The following SFMBT1 variants were observed in gnomAD, a reference collection of about 807,000 sequenced individuals.
SFMBT1 encodes scm-like with four MBT domains protein 1.
SFMBT1 carries 32 observed loss-of-function variants against 108.7 expected under a neutral mutation model. The ratio of observed to expected loss-of-function variants is 0.29; its 90% CI spans 0.22 to 0.40. SFMBT1 has a LOEUF of 0.40. SFMBT1 is among the 10% of genes least tolerant of loss of function. The probability of loss-of-function intolerance (pLI) is 1.00; values close to 1 mark genes in which losing one functional copy is unlikely to be tolerated. For missense variants in SFMBT1, 816 were observed against 1,059.6 expected (o/e 0.77, Z 3.19); for synonymous variants, 348 against 369.5 (o/e 0.94, Z 0.67).
chr3:53,008,315 G>A (rs867665359), intron 1 of SFMBT1, among the ~76,000 whole-genome samples: 3 of 152,154 alleles, frequency 2.0e-5, no homozygotes, highest in South Asian at 4.1e-4. Context: ...CAACGGTTCT[G>A]GAGAAGAAAA....
rs138381367 is a variant in SFMBT1 at position 53,002,823 on chromosome 3, G to A, written c.-130-33565C>T. Among the ~76,000 whole-genome samples the A allele has an allele frequency of 2.3e-3, 342 of 150,470 alleles. 9 individuals are homozygous for A. Among genetic ancestry groups the A allele is most frequent in the African/African-American group, 7.2e-3 (300 of 41,414 alleles). ...TTTCAAAGCAATGAGAAAATATAAT[G>A]TAAGTTAAAATTAACCAAGACTGAT... On this transcript the variant is annotated intron_variant, in intron 1 of 20. Coordinates refer to ENST00000394752, the MANE Select transcript of SFMBT1 (RefSeq NM_016329.4).
At chr3:52,913,742 C>T in intron 14 of SFMBT1, 125 bp from the exon 15 acceptor site, 5 of 1,041,152 alleles carry the variant, frequency 4.8e-6, no homozygotes, top group Non-Finnish European at 6.8e-6. Context: ...TTTGGAATTA[C>T]TTATTTTGAA....
At chr3:52,909,659 A>G (rs2106761574) in intron 17 of SFMBT1, among the ~76,000 whole-genome samples, 1 of 152,322 alleles carries the variant, frequency 6.6e-6, no homozygotes, top group Middle Eastern at 3.4e-3. Context: ...AGATCCCTAA[A>G]AGAAATCTTT....
At chr3:52,991,873 T>G (rs1249825899) in intron 1 of SFMBT1, among the ~76,000 whole-genome samples, 2 of 152,154 alleles carry the variant, frequency 1.3e-5, no homozygotes, top group African/African-American at 4.8e-5. Flanking sequence ...GACTCCAGAA[T>G]AGTGAGAAAA....
chr3:53,013,401 G>A (rs79139223), intron 1 of SFMBT1, among the ~76,000 whole-genome samples: 3,398 of 151,500 alleles, frequency 0.022, 66 homozygotes, highest in Middle Eastern at 0.034. Flanking sequence ...GGTATTGTAT[G>A]GCTAAGTTGT....
At chr3:52,919,084 C>G (rs960750143) in intron 12 of SFMBT1, among the ~76,000 whole-genome samples, 5 of 152,138 alleles carry the variant, frequency 3.3e-5, no homozygotes, top group Non-Finnish European at 7.3e-5. Flanking sequence ...CACTCGCCCG[C>G]CACTCACCTC....
intron 1 of SFMBT1, among the ~76,000 whole-genome samples, chr3:52,984,710 AATACT>A (rs58260057): frequency 0.66 from 97,952 of 147,888 alleles, 33,435 homozygotes; most frequent in Non-Finnish European, 0.76. Context: ...ATATATACTG[AATACT>A]ATACTAAATA....
chr3:53,029,171 C>CAA (rs60211879), intron 1 of SFMBT1, among the ~76,000 whole-genome samples: 3,364 of 46,012 alleles, frequency 0.073, 413 homozygotes, highest in African/African-American at 0.22. Flanking sequence ...GACTCCGTCT[C>CAA]AAAAAAAAAA....
At chr3:53,014,419 G>A (rs555421056) in intron 1 of SFMBT1, among the ~76,000 whole-genome samples, 6 of 152,054 alleles carry the variant, frequency 3.9e-5, no homozygotes, top group East Asian at 3.9e-4. Flanking sequence ...ACAGTGAGCC[G>A]TGATCACACC....
intron 2 of SFMBT1, among the ~76,000 whole-genome samples, chr3:52,962,808 C>CAAAAGAAAAAA (rs1704007649): frequency 9.9e-6 from 1 of 101,460 alleles, no homozygotes; most frequent in South Asian, 4.0e-4. Flanking sequence ...CTCCCTGTCT[C>CAAAAGAAAAAA]AAAAAAAAAA....
At chr3:52,931,123 G>A in intron 6 of SFMBT1, 88 bp from the exon 7 acceptor site, 3 of 1,220,718 alleles carry the variant, frequency 2.5e-6, no homozygotes, top group Non-Finnish European at 3.6e-6. Context: ...ACAAAAACAA[G>A]TCACTTTCCA....
chr3:52,937,043 A>T (rs1425638221), intron 4 of SFMBT1, among the ~76,000 whole-genome samples: 1 of 151,802 alleles, frequency 6.6e-6, no homozygotes, highest in Non-Finnish European at 1.5e-5. Context: ...GGGTTTCACC[A>T]TGTTAGCCAG....
At position 52,905,148 on chromosome 3, in the gene SFMBT1, C is replaced by T. The variant is rs753738465; in HGVS notation, c.2589G>A (p.Gln863=). Residue 863 remains glutamine, a synonymous_variant, in exon 21 of 21, where the codon CAG becomes CAA. Coordinates refer to ENST00000394752, the MANE Select transcript of SFMBT1 (RefSeq NM_016329.4). ...TTGGTTGTCCTTCTCAGTTGGCAAA[C>T]TGCTCATAAAAAGCAAACTTGATCC... The part of the protein sequence containing the change: ...IERIKFAFYE[Q]FAN 2 of 1,613,618 alleles carry T rather than the reference C, an allele frequency of 1.2e-6. No individual in the cohort carries two copies. Among genetic ancestry groups the T allele is most frequent in the South Asian group, 2.2e-5 (2 of 90,906 alleles).
intron 3 of SFMBT1, among the ~76,000 whole-genome samples, chr3:52,948,049 T>G (rs1703432766): frequency 6.6e-6 from 1 of 152,242 alleles, no homozygotes; most frequent in Non-Finnish European, 1.5e-5. Flanking sequence ...TTTCTGTATT[T>G]TTAAACAAAT....
chr3:52,969,437 G>A (rs945749189), intron 1 of SFMBT1, among the ~76,000 whole-genome samples, 179 bp from the exon 2 acceptor site: 1 of 152,124 alleles, frequency 6.6e-6, no homozygotes, highest in African/African-American at 2.4e-5. Context: ...GTATGTGTAT[G>A]TGTGCGCTCA....
chr3:52,985,128 G>C (rs1225183501), intron 1 of SFMBT1, among the ~76,000 whole-genome samples: 11 of 152,100 alleles, frequency 7.2e-5, no homozygotes, highest in Admixed American at 7.2e-4. Flanking sequence ...AGCACATGTT[G>C]AAACAGTATG....
At chr3:52,985,329 C>CT (rs1395689113) in intron 1 of SFMBT1, among the ~76,000 whole-genome samples, 3 of 152,146 alleles carry the variant, frequency 2.0e-5, no homozygotes, top group African/African-American at 4.8e-5. Context: ...AGATCAGAAA[C>CT]TTCATCTCAA....
rs140284728 is a variant in SFMBT1, at chr3:52,922,861, T to C, written c.1132-1030A>G. 2.3e-3 allele frequency among the ~76,000 whole-genome samples: 352 copies of C among 152,290 alleles called. 1 individual carries two copies. Among genetic ancestry groups the C allele is most frequent in the African/African-American group, 7.8e-3 (323 of 41,560 alleles). On this transcript the variant is annotated intron_variant, in intron 10 of 20. Coordinates refer to ENST00000394752, the MANE Select transcript of SFMBT1 (RefSeq NM_016329.4). ...CGTGACCAAAACAGCGGTTAGCCTATGGACTGCTGAGAGGCCCAGCCCTCC... is the reference window on the plus strand; with the variant it reads ...CGTGACCAAAACAGCGGTTAGCCTACGGACTGCTGAGAGGCCCAGCCCTCC...
At chr3:53,043,480 C>A (rs1388167152) in intron 1 of SFMBT1, among the ~76,000 whole-genome samples, 2 of 152,154 alleles carry the variant, frequency 1.3e-5, no homozygotes. Context: ...TTTAAGAAAC[C>A]AATTTTCATT....
Sources: allele counts gnomAD v4.1 joint callset (sites outside exome capture counted in the v4.1 genomes callset), GRCh38; gene constraint gnomAD v4.1.1; transcripts MANE v1.5; gene names NCBI Gene and HGNC (gene_info 2026-07-23, HGNC 2026-07-21).